Variants in NALF1 observed in about 807,000 individuals in gnomAD.
NALF1 encodes the protein family with sequence similarity 155 member A.
In NALF1, 3 loss-of-function variants were observed where a neutral mutation model predicts 48.4. That is an observed-to-expected ratio of 0.06 (90% CI 0.03 to 0.16). The LOEUF (loss-of-function observed/expected upper bound fraction) is 0.16, where lower values mean the gene tolerates loss of function less well. Ranked by LOEUF, NALF1 falls within the 10% of genes least tolerant of loss-of-function variation. The pLI, the probability that NALF1 is intolerant of heterozygous loss-of-function variation, is 1.00. For synonymous variants in NALF1, 262 were observed against 245.7 expected (o/e 1.07, Z -0.62); for missense variants, 526 against 571.5 (o/e 0.92, Z 0.81).
chr13:107,417,737 T>C (rs1884115171), intron 1 of NALF1, among the ~76,000 whole-genome samples: 1 of 152,190 alleles, frequency 6.6e-6, no homozygotes, highest in Non-Finnish European at 1.5e-5. Context: ...ATATGGCCTC[T>C]GGCTCTTTTC....
chr13:107,582,111 T>A (rs553709193), intron 1 of NALF1, among the ~76,000 whole-genome samples: 1 of 147,688 alleles, frequency 6.8e-6, no homozygotes, highest in African/African-American at 2.4e-5. Flanking sequence ...ACACTATATA[T>A]AAAATTTCAA....
chr13:107,301,620 T>C (rs1881839010), intron 1 of NALF1, among the ~76,000 whole-genome samples: 1 of 152,214 alleles, frequency 6.6e-6, no homozygotes, highest in African/African-American at 2.4e-5. Context: ...CTGAACTAAT[T>C]TTATTACATA....
At chr13:107,266,194 A>G (rs901460145) in intron 1 of NALF1, among the ~76,000 whole-genome samples, 8 of 152,214 alleles carry the variant, frequency 5.3e-5, no homozygotes, top group African/African-American at 1.7e-4. Context: ...GCTTCCTTCT[A>G]TCACACTGAT....
chr13:107,434,343 T>C (rs1177360606), intron 1 of NALF1, among the ~76,000 whole-genome samples: 2 of 152,158 alleles, frequency 1.3e-5, no homozygotes, highest in African/African-American at 4.8e-5. Flanking sequence ...CTTTTACTTA[T>C]TTCTCAGTAA....
At chr13:107,495,565 AC>A (rs1378849684) in intron 1 of NALF1, among the ~76,000 whole-genome samples, 1 of 152,118 alleles carries the variant, frequency 6.6e-6, no homozygotes, top group Non-Finnish European at 1.5e-5. Context: ...TGTCTTGTAT[AC>A]CCTGTAGACA....
intron 1 of NALF1, among the ~76,000 whole-genome samples, chr13:107,333,770 A>C (rs1882509944): frequency 6.6e-6 from 1 of 152,216 alleles, no homozygotes; most frequent in African/African-American, 2.4e-5. Context: ...AAGTGAAAGC[A>C]ATCAGCTGTT....
At chr13:107,201,028 G>A (rs951953978) in intron 2 of NALF1, among the ~76,000 whole-genome samples, 11 of 152,216 alleles carry the variant, frequency 7.2e-5, no homozygotes, top group Middle Eastern at 3.4e-3. Context: ...CGGCAGACAC[G>A]CCACTGCAAT....
chr13:107,780,183 T>C (rs1566478742), intron 1 of NALF1, among the ~76,000 whole-genome samples: 2 of 152,136 alleles, frequency 1.3e-5, no homozygotes, highest in Non-Finnish European at 1.5e-5. Context: ...TCCTTGCAGT[T>C]AGCCAATCTC....
At chr13:107,708,857 T>A (rs1283315942) in intron 1 of NALF1, among the ~76,000 whole-genome samples, 1 of 152,182 alleles carries the variant, frequency 6.6e-6, no homozygotes, top group African/African-American at 2.4e-5. Flanking sequence ...CAGCATCCAT[T>A]AGCTATTCTT....
At chr13:107,400,731 G>A (rs1259044935) in intron 1 of NALF1, among the ~76,000 whole-genome samples, 5 of 128,912 alleles carry the variant, frequency 3.9e-5, no homozygotes, top group African/African-American at 1.4e-4. Context: ...ATAAAATAAT[G>A]CAGACAAATT....
chr13:107,259,642 C>T (rs908796406), intron 1 of NALF1, among the ~76,000 whole-genome samples: 1 of 152,200 alleles, frequency 6.6e-6, no homozygotes, highest in Admixed American at 6.5e-5. Flanking sequence ...ACAATAGTTA[C>T]TACCAGAAGT....
chr13:107,578,445 G>T lies in NALF1; in HGVS notation c.915+287237C>A, dbSNP rs1878214355. 2.6e-5 allele frequency among the ~76,000 whole-genome samples: 4 copies of T among 151,870 alleles called. No homozygotes were observed. The South Asian group carries it at 8.3e-4, about 31-fold the overall frequency. Reference sequence around the variant, plus strand: ...CATCCTTTCTTGTGATGTTTTCATTGGCCTAGGATGCTTTCCTCTCTTATA... The same window carrying T: ...CATCCTTTCTTGTGATGTTTTCATTTGCCTAGGATGCTTTCCTCTCTTATA... On this transcript the variant is annotated intron_variant, in intron 1 of 2. Transcript: ENST00000375915.
chr13:107,443,349 C>T (rs1367024568), intron 1 of NALF1, among the ~76,000 whole-genome samples: 3 of 151,900 alleles, frequency 2.0e-5, no homozygotes, highest in Non-Finnish European at 2.9e-5. Flanking sequence ...CCGAGTAGTA[C>T]GGATTACAGG....
chr13:107,747,175 C>A (rs1876803892), intron 1 of NALF1, among the ~76,000 whole-genome samples: 1 of 152,206 alleles, frequency 6.6e-6, no homozygotes, highest in Non-Finnish European at 1.5e-5. Context: ...CAATTTACAA[C>A]ATGGCTATAA....
chr13:107,224,066 ATAT>A (rs754856119), intron 1 of NALF1, among the ~76,000 whole-genome samples: 9 of 152,274 alleles, frequency 5.9e-5, no homozygotes, highest in Non-Finnish European at 1.2e-4. Context: ...TTAATGAATA[ATAT>A]TATTCATTAT....
intron 2 of NALF1, among the ~76,000 whole-genome samples, chr13:107,187,612 G>A (rs936177781): frequency 6.6e-6 from 1 of 152,180 alleles, no homozygotes; most frequent in African/African-American, 2.4e-5. Context: ...TTTATGGAGT[G>A]AACAACACCA....
intron 1 of NALF1, among the ~76,000 whole-genome samples, chr13:107,707,628 T>C (rs1875437238): frequency 1.3e-5 from 2 of 152,344 alleles, no homozygotes; most frequent in South Asian, 4.1e-4. Flanking sequence ...GTGGTCACTG[T>C]GTGCAATGTC....
At chr13:107,666,275 T>G (rs1348159309) in intron 1 of NALF1, among the ~76,000 whole-genome samples, 1 of 152,168 alleles carries the variant, frequency 6.6e-6, no homozygotes, top group Non-Finnish European at 1.5e-5. Flanking sequence ...CAAAAAACTG[T>G]TGCCATGATC....
intron 1 of NALF1, among the ~76,000 whole-genome samples, chr13:107,533,654 C>T (rs1485958609): frequency 6.6e-6 from 1 of 152,122 alleles, no homozygotes; most frequent in Admixed American, 6.6e-5. Flanking sequence ...CTGTGAATCA[C>T]ATAATTACCA....
Sources: gnomAD v4.1 joint callset for allele counts (sites outside exome capture counted in the v4.1 genomes callset) on GRCh38, gnomAD v4.1.1 for gene constraint, MANE v1.5 for transcripts, NCBI Gene and HGNC (gene_info 2026-07-23, HGNC 2026-07-21) for gene names.